The following SEPTIN9 variants were observed in gnomAD, a reference collection of about 807,000 sequenced individuals.
The protein encoded by SEPTIN9 is septin-9.
Under a neutral mutation model 56.6 loss-of-function variants are expected in SEPTIN9, and 13 were observed. The observed-to-expected ratio is 0.23, with a 90% CI of 0.15 to 0.37. SEPTIN9 has a LOEUF of 0.37. SEPTIN9 is among the 10% of genes least tolerant of loss of function. SEPTIN9 has a pLI of 1.00. For synonymous variants in SEPTIN9, 332 were observed against 334.1 expected (o/e 0.99, Z 0.07); for missense variants, 650 against 823.1 (o/e 0.79, Z 2.57).
chr17:77,299,873 C>T (rs2031960727), intron 1 of SEPTIN9, among the ~76,000 whole-genome samples: 1 of 115,992 alleles, frequency 8.6e-6, no homozygotes, highest in Non-Finnish European at 2.0e-5. Flanking sequence ...GGGCTGGTCA[C>T]CAAGAGAGGG....
chr17:77,392,310 G>A (rs2035567873), intron 2 of SEPTIN9, among the ~76,000 whole-genome samples: 2 of 152,188 alleles, frequency 1.3e-5, no homozygotes, highest in Admixed American at 6.5e-5. Context: ...AGCAAAGATA[G>A]TCATCAGAAT....
intron 3 of SEPTIN9, among the ~76,000 whole-genome samples, chr17:77,461,344 G>A (rs1236845629): frequency 1.3e-5 from 2 of 152,202 alleles, no homozygotes; most frequent in East Asian, 1.9e-4. Context: ...AAAAATCCAT[G>A]GGGGGACCTC....
intron 2 of SEPTIN9, among the ~76,000 whole-genome samples, chr17:77,388,106 C>T (rs956145462): frequency 6.6e-6 from 1 of 152,278 alleles, no homozygotes; most frequent in East Asian, 1.9e-4. Context: ...GTCTGGCTCT[C>T]GCGGTATACC....
At position 77,310,888 on chromosome 17, in the gene SEPTIN9, C is replaced by A. The variant is rs1429439783; in HGVS notation, c.76+3691C>A. ...GTGTCGCTAGGTCCTGCTCTTCCAT[C>A]TTCCAATACCTCTGGGGTGTGTGGC... On this transcript the variant is annotated intron_variant, in intron 2 of 11. Transcript: ENST00000427177. The surrounding 1 kb of genome is among the most constrained non-coding windows in gnomAD (Gnocchi z 4.7). 1.3e-5 allele frequency among the ~76,000 whole-genome samples: 2 copies of A among 152,196 alleles called. No individual in the cohort carries two copies. Among genetic ancestry groups the A allele is most frequent in the African/African-American group, 2.4e-5 (1 of 41,450 alleles).
At chr17:77,473,767 C>G (rs1296354579) in intron 3 of SEPTIN9, among the ~76,000 whole-genome samples, 1 of 152,106 alleles carries the variant, frequency 6.6e-6, no homozygotes, top group Non-Finnish European at 1.5e-5. Context: ...TGTGCCACCA[C>G]TGTTTTCATT....
intron 3 of SEPTIN9, among the ~76,000 whole-genome samples, chr17:77,478,103 T>C (rs1414286337): frequency 6.6e-6 from 1 of 152,110 alleles, no homozygotes; most frequent in Non-Finnish European, 1.5e-5. Context: ...TGTGCTGGCC[T>C]GGCCACTTAC....
intron 3 of SEPTIN9, among the ~76,000 whole-genome samples, chr17:77,428,737 G>A (rs2037009733): frequency 6.6e-6 from 1 of 152,196 alleles, no homozygotes; most frequent in South Asian, 2.1e-4. Flanking sequence ...TGGGAGGGCT[G>A]TGGGGTCAGC....
At chr17:77,457,775 G>A (rs55764465) in intron 3 of SEPTIN9, among the ~76,000 whole-genome samples, 4,570 of 152,362 alleles carry the variant, frequency 0.03, 109 homozygotes, top group African/African-American at 0.061. Context: ...ACTCTGGACC[G>A]GGCACCCTGG....
intron 1 of SEPTIN9, among the ~76,000 whole-genome samples, chr17:77,293,409 G>C (rs2031661761): frequency 6.6e-6 from 1 of 152,138 alleles, no homozygotes; most frequent in Non-Finnish European, 1.5e-5. Flanking sequence ...TGATCCTCCT[G>C]CCTGGGCCTC....
At position 77,369,684 on chromosome 17, in the gene SEPTIN9, G is replaced by T. The variant is rs1054607737; in HGVS notation, c.77-32375G>T. Reference sequence around the variant, plus strand: ...GGAAGTCTCTGTCTATGAGGACACAGCCTGCCACCTAATGGGGTGTCCCGT... The same window carrying T: ...GGAAGTCTCTGTCTATGAGGACACATCCTGCCACCTAATGGGGTGTCCCGT... On this transcript the variant is annotated intron_variant, in intron 2 of 11. Transcript: ENST00000427177. This position sits in a 1 kb window ranked among gnomAD's most constrained non-coding sequence, Gnocchi z 4.9. 2.6e-5 allele frequency among the ~76,000 whole-genome samples: 4 copies of T among 152,206 alleles called. No homozygotes were observed. Among genetic ancestry groups the T allele is most frequent in the African/African-American group, 9.6e-5 (4 of 41,462 alleles).
chr17:77,437,320 G>A lies in SEPTIN9; in HGVS notation c.721+34617G>A, dbSNP rs1333825032. On this transcript the variant is annotated intron_variant, in intron 3 of 11. Transcript: ENST00000427177. This position sits in a 1 kb window ranked among gnomAD's most constrained non-coding sequence, Gnocchi z 5.3. Reference sequence around the variant, plus strand: ...TCATGGCCTGGTTCCCAGGGATGGAGCACCGACCCCTCCCTTCTACACCCC... The same window carrying A: ...TCATGGCCTGGTTCCCAGGGATGGAACACCGACCCCTCCCTTCTACACCCC... Among the ~76,000 whole-genome samples, 1 of 152,030 alleles carries A rather than the reference G, an allele frequency of 6.6e-6. No homozygotes were observed. Among genetic ancestry groups the A allele is most frequent in the Non-Finnish European group, 1.5e-5 (1 of 67,982 alleles).
chr17:77,316,089 G>A (rs2143635588), intron 2 of SEPTIN9, among the ~76,000 whole-genome samples: 1 of 152,332 alleles, frequency 6.6e-6, no homozygotes, highest in East Asian at 1.9e-4. Flanking sequence ...AGTGCGTTTA[G>A]TATGCAAATG....
At chr17:77,361,853 C>T (rs1457025527) in intron 2 of SEPTIN9, among the ~76,000 whole-genome samples, 1 of 151,706 alleles carries the variant, frequency 6.6e-6, no homozygotes, top group Non-Finnish European at 1.5e-5. Flanking sequence ...AGGATGGTCT[C>T]GATCTCTTGA....
At position 77,360,297 on chromosome 17, in the gene SEPTIN9, C is replaced by T. The variant is rs367641288; in HGVS notation, c.77-41762C>T. 7.9e-5 allele frequency among the ~76,000 whole-genome samples: 12 copies of T among 152,228 alleles called. 1 individual carries two copies. Among genetic ancestry groups the T allele is most frequent in the African/African-American group, 1.4e-4 (6 of 41,548 alleles). The stretch of plus-strand genomic sequence containing the variant: ...TGATTGGGTCAGCCTGCCAGTTGAA[C>T]CCTATTTGCCACAGTCATTCTCCAT... On this transcript the variant is annotated intron_variant, in intron 2 of 11. Coordinates refer to ENST00000427177, the MANE Select transcript of SEPTIN9 (RefSeq NM_001113491.2).
intron 8 of SEPTIN9, among the ~76,000 whole-genome samples, chr17:77,491,550 C>A (rs7503616): frequency 4.0e-5 from 6 of 151,030 alleles, no homozygotes; most frequent in Non-Finnish European, 8.9e-5. Flanking sequence ...TGGTGGCTCA[C>A]GCCTGTAATC....
rs1416876112 is a variant in SEPTIN9, at chr17:77,429,270, A to AT, written c.721+26571dup. The AT allele has an allele frequency of 4.2e-6, 2 of 471,360 alleles. No homozygotes were observed. Among genetic ancestry groups the AT allele is most frequent in the East Asian group, 1.4e-4 (2 of 14,396 alleles). 29.2% of individuals were successfully genotyped at this position (471,360 alleles called of 1,614,324 possible). The stretch of plus-strand genomic sequence containing the variant: ...TGACCGTGACCTTGATCTGACCGTA[A>AT]TTTTGATGGTGCCGATGCCGTCAGC... On this transcript the variant is annotated intron_variant, in intron 3 of 11. Coordinates refer to ENST00000427177, the MANE Select transcript of SEPTIN9 (RefSeq NM_001113491.2). This position sits in a 1 kb window ranked among gnomAD's most constrained non-coding sequence, Gnocchi z 5.2.
chr17:77,418,197 T>G lies in SEPTIN9; in HGVS notation c.721+15494T>G, dbSNP rs188072295. On this transcript the variant is annotated intron_variant, in intron 3 of 11. Coordinates refer to ENST00000427177, the MANE Select transcript of SEPTIN9 (RefSeq NM_001113491.2). Reference sequence around the variant, plus strand: ...GACACAGGTGTGGACAGGATAGCCCTGCCTCATCTCGGAGTCCCGCTCCGG... The same window carrying G: ...GACACAGGTGTGGACAGGATAGCCCGGCCTCATCTCGGAGTCCCGCTCCGG... Among the ~76,000 whole-genome samples, 395 of 152,292 alleles carry G rather than the reference T, an allele frequency of 2.6e-3. 1 individual carries two copies. The highest frequency in any genetic ancestry group is 9.2e-3 in the African/African-American group (381 of 41,570).
At chr17:77,438,931 T>C (rs541982042) in intron 3 of SEPTIN9, among the ~76,000 whole-genome samples, 1 of 152,306 alleles carries the variant, frequency 6.6e-6, no homozygotes, top group Admixed American at 6.5e-5. Context: ...CCATGTCTGT[T>C]TGGGAGAAGA....
At chr17:77,357,289 T>G (rs2034286232) in intron 2 of SEPTIN9, among the ~76,000 whole-genome samples, 1 of 152,186 alleles carries the variant, frequency 6.6e-6, no homozygotes, top group Non-Finnish European at 1.5e-5. Flanking sequence ...GAAAGTCTGA[T>G]GCATGGTGTT....
Sources: allele counts gnomAD v4.1 joint callset (sites outside exome capture counted in the v4.1 genomes callset), GRCh38; gene constraint gnomAD v4.1.1; non-coding constraint Gnocchi (gnomAD v3.1); transcripts MANE v1.5; gene names NCBI Gene and HGNC (gene_info 2026-07-23, HGNC 2026-07-21).